The following DPH6 variants were observed in gnomAD, a reference collection of about 807,000 sequenced individuals.
The protein encoded by DPH6 is diphthamine biosynthesis 6, also known as diphthine--ammonia ligase.
A neutral mutation model predicts 38.2 loss-of-function variants in DPH6; 33 were observed. The ratio of observed to expected loss-of-function variants is 0.86; its 90% CI spans 0.65 to 1.15. The LOEUF is 1.15. Ranked by LOEUF, DPH6 falls within the 50% of genes most tolerant of loss-of-function variation. The pLI, the probability that DPH6 is intolerant of heterozygous loss-of-function variation, is 0.00. For missense variants in DPH6, 325 were observed against 320.0 expected (o/e 1.02, Z -0.12); for synonymous variants, 108 against 103.0 (o/e 1.05, Z -0.30).
Position 35,237,860 on chromosome 15 carries a change from T to A in DPH6, n.201-17278A>T, listed in dbSNP as rs1401426153. Reference sequence around the variant, plus strand: ...GGAGGAGGATGAGGATGAGGAGGAGTATGACGAAGATGCTCAGGTAGTGGA... The same window carrying A: ...GGAGGAGGATGAGGATGAGGAGGAGAATGACGAAGATGCTCAGGTAGTGGA... On this transcript the variant is annotated intron_variant and non_coding_transcript_variant, in intron 3 of 3. Transcript: ENST00000560386. 1.3e-5 allele frequency: 19 copies of A among 1,511,688 alleles called. No homozygotes were observed. The East Asian group carries it at 3.9e-4, about 31-fold the overall frequency. 93.6% of individuals were successfully genotyped at this position (1,511,688 alleles called of 1,614,324 possible).
intron 5 of DPH6, among the ~76,000 whole-genome samples, chr15:35,429,152 A>G (rs187456107): frequency 6.6e-6 from 1 of 152,184 alleles, no homozygotes; most frequent in Non-Finnish European, 1.5e-5. Context: ...AATGTTCCAC[A>G]TTAACTCTGT....
chr15:35,281,895 T>G (rs2140436766), intron 3 of DPH6, among the ~76,000 whole-genome samples: 1 of 152,354 alleles, frequency 6.6e-6, no homozygotes, highest in South Asian at 2.1e-4. Flanking sequence ...TTGTTTGATT[T>G]TTTTGTTTGT....
chr15:35,506,062 T>C (rs1306397620), intron 3 of DPH6, among the ~76,000 whole-genome samples: 1 of 152,100 alleles, frequency 6.6e-6, no homozygotes, highest in African/African-American at 2.4e-5. Flanking sequence ...AAAAGAGAAA[T>C]GAAACTTTGA....
chr15:35,175,797 G>A, the DPH6 span, among the ~76,000 whole-genome samples: 8 of 152,108 alleles, frequency 5.3e-5, no homozygotes, highest in Non-Finnish European at 1.2e-4. Flanking sequence ...CACACTGAAC[G>A]CAGTAAAAGA....
At chr15:35,278,589 AAGAATGGT>A (rs1327741114) in intron 3 of DPH6, among the ~76,000 whole-genome samples, 1 of 152,186 alleles carries the variant, frequency 6.6e-6, no homozygotes, top group Non-Finnish European at 1.5e-5. Context: ...TTCCAGGCCA[AAGAATGGT>A]AGAGGCAGCA....
chr15:35,428,154 A>G (rs1014918704), intron 5 of DPH6, among the ~76,000 whole-genome samples: 1 of 152,046 alleles, frequency 6.6e-6, no homozygotes, highest in Admixed American at 6.6e-5. Flanking sequence ...ATGAAAACTA[A>G]CAAGTGATAA....
At chr15:35,298,039 TTTTC>T (rs1321433780) in intron 3 of DPH6, among the ~76,000 whole-genome samples, 2 of 152,170 alleles carry the variant, frequency 1.3e-5, no homozygotes, top group African/African-American at 4.8e-5. Flanking sequence ...ATCTCTAACA[TTTTC>T]TTTTTGTTTT....
chr15:35,354,812 G>C (rs1174974952), intron 3 of DPH6, among the ~76,000 whole-genome samples: 1 of 151,878 alleles, frequency 6.6e-6, no homozygotes, highest in Non-Finnish European at 1.5e-5. Flanking sequence ...AGTTAGGGAG[G>C]ATTTCCTAAC....
the DPH6 span, among the ~76,000 whole-genome samples, chr15:35,188,941 A>G: frequency 6.6e-6 from 1 of 152,180 alleles, no homozygotes; most frequent in African/African-American, 2.4e-5. Context: ...TGGTATTTGA[A>G]GCATTAAAAG....
chr15:35,223,843 C>T (rs1031426303), intron 3 of DPH6, among the ~76,000 whole-genome samples: 14 of 151,928 alleles, frequency 9.2e-5, no homozygotes, highest in Non-Finnish European at 2.1e-4. Context: ...TTAACTAATG[C>T]ATAATGAAAT....
At chr15:35,452,953 GA>G (rs372142540) in intron 4 of DPH6, among the ~76,000 whole-genome samples, 1 of 152,098 alleles carries the variant, frequency 6.6e-6, no homozygotes, top group African/African-American at 2.4e-5. Flanking sequence ...AGGACAGGAA[GA>G]AAAAACTTTT....
chr15:35,199,408 T>A, the DPH6 span, among the ~76,000 whole-genome samples: 2 of 152,292 alleles, frequency 1.3e-5, no homozygotes, highest in East Asian at 3.9e-4. Context: ...CCCAAATAAA[T>A]ACCTTACATA....
At chr15:35,449,076 A>G (rs2053895834) in intron 5 of DPH6, among the ~76,000 whole-genome samples, 2 of 151,392 alleles carry the variant, frequency 1.3e-5, no homozygotes, top group Admixed American at 1.3e-4. Flanking sequence ...ATGGGAGGAA[A>G]AAGGCTTAGC....
chr15:35,421,993 T>C (rs1048069907), intron 5 of DPH6, among the ~76,000 whole-genome samples: 2 of 151,948 alleles, frequency 1.3e-5, no homozygotes, highest in Non-Finnish European at 2.9e-5. Context: ...ATATGGTAGG[T>C]AAGATATATA....
intron 3 of DPH6, among the ~76,000 whole-genome samples, chr15:35,338,413 C>CA (rs2052392308): frequency 6.6e-6 from 1 of 152,088 alleles, no homozygotes; most frequent in Non-Finnish European, 1.5e-5. Flanking sequence ...TTTATGCAGC[C>CA]AAAAAACAGA....
chr15:35,461,972 T>A (rs2054071921), intron 3 of DPH6, among the ~76,000 whole-genome samples: 1 of 152,178 alleles, frequency 6.6e-6, no homozygotes, highest in Non-Finnish European at 1.5e-5. Context: ...CATATATCCA[T>A]CCCACACAGA....
chr15:35,177,955 A>G, the DPH6 span, among the ~76,000 whole-genome samples: 49 of 152,248 alleles, frequency 3.2e-4, no homozygotes, highest in African/African-American at 9.9e-4. Flanking sequence ...AAAAAAAATA[A>G]TAATAATGTG....
Position 35,425,810 on chromosome 15 carries a change from CATAT to C in DPH6, c.506-14918_506-14915del, listed in dbSNP as rs71741742. Among the ~76,000 whole-genome samples the C allele has an allele frequency of 3.8e-3, 538 of 142,002 alleles. 3 individuals carry two copies. Among genetic ancestry groups the C allele is most frequent in the African/African-American group, 0.013 (507 of 39,040 alleles). The allele number at this position is 142,002 out of a possible 152,430, so 93.2% of individuals were successfully genotyped here. On this transcript the variant is annotated intron_variant, in intron 5 of 8. Transcript: ENST00000256538. Reference sequence around the variant, plus strand: ...TATCATATATATATATATGACATGACATATATATATATATATATATCTCATATAT... The same window carrying C: ...TATCATATATATATATATGACATGACATATATATATATATATCTCATATAT...
chr15:35,454,230 T>C (rs2053969158), intron 4 of DPH6, among the ~76,000 whole-genome samples: 1 of 152,094 alleles, frequency 6.6e-6, no homozygotes, highest in South Asian at 2.1e-4. Flanking sequence ...AGAGACGGGC[T>C]AGGACGAGGG....
Sources: allele counts gnomAD v4.1 joint callset (sites outside exome capture counted in the v4.1 genomes callset), GRCh38; gene constraint gnomAD v4.1.1; transcripts MANE v1.5; gene names NCBI Gene and HGNC (gene_info 2026-07-23, HGNC 2026-07-21).